MYH1: variants seen among roughly 807,000 people sequenced by gnomAD.
MYH1 encodes the protein myosin heavy chain 1.
In MYH1, 214 loss-of-function variants were observed where a neutral mutation model predicts 225.6. The observed-to-expected ratio is 0.95, with a 90% CI of 0.85 to 1.06. MYH1 has a LOEUF of 1.06. MYH1 is among the 50% of genes least tolerant of loss of function. MYH1 has a pLI of 0.00. For synonymous variants in MYH1, 774 were observed against 842.3 expected (o/e 0.92, Z 1.40); for missense variants, 2,098 against 2,344.2 (o/e 0.89, Z 2.17).
intron 12 of MYH1, 31 bp from the exon 13 acceptor site, chr17:10,512,223 G>GACTT: frequency 6.2e-7 from 1 of 1,603,492 alleles, no homozygotes; most frequent in Non-Finnish European, 8.5e-7. Context: ...TACCTAATAT[G>GACTT]ACTTACTCTG....
chr17:10,500,618 T>G lies in MYH1; in HGVS notation c.3865+8A>C, dbSNP rs1190672535. Reference sequence around the variant, plus strand: ...GTCATTCAAGGTCAGTACTGGTACATGGCCCACCTGATTCTGTTTGCAGGC... The same window carrying G: ...GTCATTCAAGGTCAGTACTGGTACAGGGCCCACCTGATTCTGTTTGCAGGC... On this transcript the variant is annotated splice_region_variant and intron_variant, in intron 28 of 39. Coordinates refer to ENST00000226207, the MANE Select transcript of MYH1 (RefSeq NM_005963.4). 6.2e-7 allele frequency: 1 copy of G among 1,612,864 alleles called. No homozygotes were observed. Among genetic ancestry groups the G allele is most frequent in the Non-Finnish European group, 8.5e-7 (1 of 1,180,016 alleles).
chr17:10,497,883 C>G lies in MYH1; in HGVS notation c.4216G>C (p.Glu1406Gln), dbSNP rs1324626895. The G allele has an allele frequency of 1.9e-6, 3 of 1,609,040 alleles. No homozygotes were observed. In the African/African-American group the frequency reaches 4.0e-5, roughly 22 times the overall value. Reference sequence around the variant, plus strand: ...TTGGCATTCACAGCTTCTACATGTTCCTCAGCATCCTGCAGACGCTGAGCC... The same window carrying G: ...TTGGCATTCACAGCTTCTACATGTTGCTCAGCATCCTGCAGACGCTGAGCC... ...KLAQRLQDAE[E>Q]HVEAVNAKCA... The change falls in exon 31 of 40, where the codon GAA (glutamate) becomes CAA (glutamine). Residue 1406 changes from glutamate (E) to glutamine (Q), a missense_variant. Coordinates refer to ENST00000226207, the MANE Select transcript of MYH1 (RefSeq NM_005963.4).
At chr17:10,508,802 CT>C in intron 15 of MYH1, 130 bp from the exon 16 acceptor site, 1 of 1,348,274 alleles carries the variant, frequency 7.4e-7, no homozygotes, top group Non-Finnish European at 9.9e-7. Flanking sequence ...AAACTCGTTC[CT>C]TTGGTCAGAA....
Position 10,496,093 on chromosome 17 carries a change from C to T in MYH1, c.5026G>A (p.Ala1676Thr). The T allele has an allele frequency of 6.2e-7, 1 of 1,614,138 alleles. No homozygotes were observed. Among genetic ancestry groups the T allele is most frequent in the African/African-American group, 1.3e-5 (1 of 75,036 alleles). The change falls in exon 35 of 40, where the codon GCT becomes ACT. Residue 1676 changes from alanine (A) to threonine (T), a missense_variant. Coordinates refer to ENST00000226207, the MANE Select transcript of MYH1 (RefSeq NM_005963.4). ...AGGTTGGCTCTGCGCTCCACCATAGCCAGCTGTTCCTTCAGGTCCTCCTGG... is the reference window on the plus strand; with the variant it reads ...AGGTTGGCTCTGCGCTCCACCATAGTCAGCTGTTCCTTCAGGTCCTCCTGG... Reference protein sequence around the residue: ...RSQEDLKEQLAMVERRANLLQ... With the variant: ...RSQEDLKEQLTMVERRANLLQ...
At chr17:10,500,599 C>T (rs577835912) in intron 28 of MYH1, 27 bp downstream of exon 28, 33 of 1,611,284 alleles carry the variant, frequency 2.0e-5, no homozygotes, top group Non-Finnish European at 2.1e-5. Flanking sequence ...ATTTGTCATT[C>T]AAGGTCAGTA....
chr17:10,518,206 T>C (rs2073248417), intron 2 of MYH1, 34 bp downstream of exon 2: 2 of 151,460 alleles, frequency 1.3e-5, no homozygotes, highest in Non-Finnish European at 1.5e-5. Flanking sequence ...TTGCACTCTG[T>C]GAGGAATGAG....
Position 10,496,293 on chromosome 17 carries a change from C to T in MYH1, c.4913G>A (p.Arg1638His), listed in dbSNP as rs146429782. 58 of 1,614,096 alleles carry T rather than the reference C, an allele frequency of 3.6e-5. No homozygotes were observed. The highest frequency in any genetic ancestry group is 2.5e-4 in the African/African-American group (19 of 75,030). Residue 1638 changes from arginine to histidine, a missense_variant, in exon 34 of 40, where the codon CGC (arginine) becomes CAC (histidine). Physicochemically the swap from Arg to His is conservative, Grantham distance 29. Transcript: ENST00000226207. The stretch of plus-strand genomic sequence containing the variant: ...GTTCCTCAGGGCCTCAGCAGCCATG[C>T]GGTTGGCATGGTTCAGCTGGATTTC... ...EMEIQLNHAN[R>H]MAAEALRNYR...
At chr17:10,498,407 C>T (rs2073017968) in intron 30 of MYH1, among the ~76,000 whole-genome samples, 1 of 152,156 alleles carries the variant, frequency 6.6e-6, no homozygotes, top group African/African-American at 2.4e-5. Flanking sequence ...CTTATTTGTG[C>T]TAGTTTTTAA....
In MYH1 at chr17:10,494,714, A is replaced by G. The variant is rs763956018; in HGVS notation, c.5467-41T>C. On this transcript the variant is annotated intron_variant, in intron 37 of 39. Coordinates refer to ENST00000226207, the MANE Select transcript of MYH1 (RefSeq NM_005963.4). ...CATTTTAAGGACATTCATTTGACGA[A>G]TTTCTACTTCTTCACATGACCCACA... 1.5e-5 allele frequency: 24 copies of G among 1,609,584 alleles called. No individual in the cohort carries two copies. The South Asian group carries it at 1.9e-4, about 13-fold the overall frequency.
rs745672380 is a variant in MYH1 at position 10,494,680 on chromosome 17, G to T, written c.5467-7C>A. ...CACCTTCAAGTTCACGAACCTACAA[G>T]AAGATGGACATTTTAAGGACATTCA... On this transcript the variant is annotated splice_polypyrimidine_tract_variant and splice_region_variant and intron_variant, in intron 37 of 39. Coordinates refer to ENST00000226207, the MANE Select transcript of MYH1 (RefSeq NM_005963.4). The T allele has an allele frequency of 6.2e-7, 1 of 1,613,222 alleles. No individual in the cohort carries two copies. The highest frequency in any genetic ancestry group is 1.1e-5 in the South Asian group (1 of 90,904).
rs1435285426 is a variant in MYH1, at chr17:10,492,419, C to T, written c.5817G>A (p.Glu1939=). 1 of 1,613,506 alleles carries T rather than the reference C, an allele frequency of 6.2e-7. No homozygotes were observed. The highest frequency in any genetic ancestry group is 8.5e-7 in the Non-Finnish European group (1 of 1,179,866). ...REVHTKIISE[E] is the part of the protein sequence containing the mutation. ...CACCTTTCAGCAGTTAGATAAATTA[C>T]TCTTCACTTATGATTTTTGTGTGAA... Residue 1939 remains glutamate (E), a synonymous_variant, in exon 40 of 40, where the codon GAG becomes GAA. Coordinates refer to ENST00000226207, the MANE Select transcript of MYH1 (RefSeq NM_005963.4).
intron 2 of MYH1, 132 bp downstream of exon 2, chr17:10,518,108 C>T (rs747383712): frequency 1.3e-5 from 2 of 151,906 alleles, no homozygotes; most frequent in East Asian, 3.9e-4. Context: ...TTAAGAGAAG[C>T]GTGATCAACC....
chr17:10,505,055 A>C lies in MYH1; in HGVS notation c.2446T>G (p.Phe816Val), dbSNP rs1227146869. 3.7e-6 allele frequency: 6 copies of C among 1,614,186 alleles called. No individual in the cohort carries two copies. The highest frequency in any genetic ancestry group is 5.1e-6 in the Non-Finnish European group (6 of 1,180,012). Residue 816 changes from phenylalanine (F) to valine (V), a missense_variant, in exon 22 of 40, where the codon TTC (phenylalanine) becomes GTC (valine). Physicochemically the swap from Phe to Val is conservative, Grantham distance 50 (BLOSUM62 -1). Transcript: ENST00000226207. ...GCACGGACATTGTACTGGATGCAGA[A>C]GATGGACTCTCTGTCATAGGAACAG... ...QKMVERRESIFCIQYNVRAFM... is the reference protein window; with the variant it reads ...QKMVERRESIVCIQYNVRAFM...
Position 10,508,656 on chromosome 17 carries a change from G to T in MYH1, c.1604C>A (p.Ser535Tyr). 6.2e-7 allele frequency: 1 copy of T among 1,614,120 alleles called. No individual in the cohort carries two copies. The highest frequency in any genetic ancestry group is 8.5e-7 in the Non-Finnish European group (1 of 1,179,974). ...GAACATGCACTCCTCTTCCAGGATG[G>T]AGAAGATGCCCATAGGCTGGAAGAA... ...ELIEKPMGIF[S>Y]ILEEECMFPK... The change falls in exon 16 of 40, where the codon TCC becomes TAC. Residue 535 changes from serine (S) to tyrosine (Y), a missense_variant. Transcript: ENST00000226207.
intron 35 of MYH1, 111 bp downstream of exon 35, chr17:10,495,839 A>G: frequency 7.7e-7 from 1 of 1,302,066 alleles, no homozygotes; most frequent in African/African-American, 1.5e-5. Context: ...AATATTTTAA[A>G]CTTTATCCTT....
Position 10,516,208 on chromosome 17 carries a change from C to A in MYH1, c.339G>T (p.Trp113Cys). ...GTGAGAAAGAACTCACGTAGATCATCCAGGCTGCGTAGCGCTCTTTGAGGT... is the reference window on the plus strand; with the variant it reads ...GTGAGAAAGAACTCACGTAGATCATACAGGCTGCGTAGCGCTCTTTGAGGT... The part of the protein sequence containing the change: ...LYNLKERYAA[W>C]MIYTYSGLFC... The change falls in exon 4 of 40, where the codon TGG (tryptophan) becomes TGT (cysteine). Residue 113 changes from tryptophan to cysteine, a missense_variant. Trp to Cys is a radical substitution (Grantham distance 215). Coordinates refer to ENST00000226207, the MANE Select transcript of MYH1 (RefSeq NM_005963.4). 4 of 1,614,202 alleles carry A rather than the reference C, an allele frequency of 2.5e-6. No individual in the cohort carries two copies. The highest frequency in any genetic ancestry group is 3.4e-6 in the Non-Finnish European group (4 of 1,180,024).
chr17:10,514,825 G>T, intron 6 of MYH1, 43 bp downstream of exon 6: 1 of 1,580,020 alleles, frequency 6.3e-7, no homozygotes, highest in Non-Finnish European at 8.7e-7. Flanking sequence ...CATTTTTCCA[G>T]TAAGAACAAA....
rs759557062 is a variant in MYH1 at position 10,513,675 on chromosome 17, C to G, written c.756G>C (p.Arg252Ser). The change falls in exon 9 of 40, where the codon AGG (arginine) becomes AGC (serine). Residue 252 changes from arginine (R) to serine (S), a missense_variant. Arg to Ser is a moderately radical substitution (Grantham distance 110, BLOSUM62 -1). Coordinates refer to ENST00000226207, the MANE Select transcript of MYH1 (RefSeq NM_005963.4). ...GTTTCCCTGTGGTACCGAAGTGGAT[C>G]CTGATGAATTTACCCTTGTAAGTAA... is the stretch of plus-strand genomic sequence containing the variant. Reference protein sequence around the residue: ...DNSSRFGKFIRIHFGTTGKLA... With the variant: ...DNSSRFGKFISIHFGTTGKLA... 3 of 1,614,016 alleles carry G rather than the reference C, an allele frequency of 1.9e-6. No individual in the cohort carries two copies. Among genetic ancestry groups the G allele is most frequent in the South Asian group, 1.1e-5 (1 of 91,074 alleles).
intron 14 of MYH1, among the ~76,000 whole-genome samples, chr17:10,510,019 G>C (rs1045262136): frequency 2.0e-5 from 3 of 152,174 alleles, no homozygotes; most frequent in Admixed American, 2.0e-4. Flanking sequence ...ACACACTGGG[G>C]CCTATTGGAG....
Sources: allele counts gnomAD v4.1 joint callset (sites outside exome capture counted in the v4.1 genomes callset), GRCh38; gene constraint gnomAD v4.1.1; transcripts MANE v1.5; gene names NCBI Gene and HGNC (gene_info 2026-07-23, HGNC 2026-07-21).